Variants in DCLK1 observed in about 807,000 individuals in gnomAD.
DCLK1 encodes the protein serine/threonine-protein kinase DCLK1.
DCLK1 carries 16 observed loss-of-function variants against 86.2 expected under a neutral mutation model. The observed-to-expected ratio is 0.19, with a 90% CI of 0.13 to 0.28. DCLK1 has a LOEUF of 0.28. Ranked by LOEUF, DCLK1 falls within the 10% of genes least tolerant of loss-of-function variation. The pLI, the probability that DCLK1 is intolerant of heterozygous loss-of-function variation, is 1.00. For missense variants in DCLK1, 590 were observed against 940.2 expected (o/e 0.63, Z 4.87); for synonymous variants, 369 against 370.5 (o/e 1.00, Z 0.05).
chr13:36,017,683 A>G (rs1881593186), intron 3 of DCLK1, among the ~76,000 whole-genome samples: 1 of 152,194 alleles, frequency 6.6e-6, no homozygotes, highest in Admixed American at 6.6e-5. Context: ...CAACCACCAC[A>G]TGGAATTATC....
intron 16 of DCLK1, among the ~76,000 whole-genome samples, chr13:35,789,891 T>C (rs2086684124): frequency 1.3e-5 from 2 of 152,096 alleles, no homozygotes; most frequent in South Asian, 2.1e-4. Flanking sequence ...TCTCTCTTTT[T>C]TTTTTCAAAT....
intron 4 of DCLK1, among the ~76,000 whole-genome samples, chr13:35,927,183 ATC>A (rs1876169796): frequency 6.6e-6 from 1 of 152,262 alleles, no homozygotes; most frequent in Non-Finnish European, 1.5e-5. Context: ...TTTCCAAATT[ATC>A]TGTCTGAAGG....
chr13:35,852,076 C>T (rs1389562143), intron 6 of DCLK1, among the ~76,000 whole-genome samples: 1 of 151,866 alleles, frequency 6.6e-6, no homozygotes, highest in Non-Finnish European at 1.5e-5. Flanking sequence ...CTAGGCAACA[C>T]AGAAGGAAAA....
At position 35,826,387 on chromosome 13, in the gene DCLK1, G is replaced by A. The variant is rs1037090887; in HGVS notation, c.1407+1248C>T. On this transcript the variant is annotated intron_variant, in intron 10 of 16. Transcript: ENST00000360631. Reference sequence around the variant, plus strand: ...AAAAATACAAAATTAGCCGGGCGTGGTGGCACATGCCTGTAATCCCAGCTA... The same window carrying A: ...AAAAATACAAAATTAGCCGGGCGTGATGGCACATGCCTGTAATCCCAGCTA... Among the ~76,000 whole-genome samples the A allele has an allele frequency of 2.0e-5, 3 of 151,304 alleles. No homozygotes were observed. In the East Asian group the frequency reaches 6.0e-4, roughly 30 times the overall value.
At chr13:35,951,898 G>T (rs1055948723) in intron 3 of DCLK1, among the ~76,000 whole-genome samples, 1 of 152,142 alleles carries the variant, frequency 6.6e-6, no homozygotes, top group African/African-American at 2.4e-5. Context: ...AGCAAAGGCA[G>T]TGTCTCGCGT....
At chr13:36,121,042 T>C (rs1482497000) in intron 2 of DCLK1, among the ~76,000 whole-genome samples, 1 of 152,184 alleles carries the variant, frequency 6.6e-6, no homozygotes, top group African/African-American at 2.4e-5. Context: ...CCTACATGAC[T>C]GGAAAACATC....
chr13:35,874,224 A>T (rs1035955334), intron 4 of DCLK1, among the ~76,000 whole-genome samples: 17 of 151,944 alleles, frequency 1.1e-4, no homozygotes, highest in Admixed American at 7.2e-4. Context: ...TCTCTTATAT[A>T]TTCTGAATTG....
At chr13:36,022,114 TA>T (rs1881810564) in intron 3 of DCLK1, among the ~76,000 whole-genome samples, 2 of 151,910 alleles carry the variant, frequency 1.3e-5, no homozygotes, top group Non-Finnish European at 2.9e-5. Flanking sequence ...TAGAAATTAA[TA>T]AAGGAAATTT....
intron 4 of DCLK1, among the ~76,000 whole-genome samples, chr13:35,871,622 G>C (rs922491294): frequency 6.6e-6 from 1 of 152,040 alleles, no homozygotes; most frequent in Non-Finnish European, 1.5e-5. Flanking sequence ...CTAATAAAGA[G>C]GTGTTTTGTT....
chr13:36,038,769 G>A (rs1474356096), intron 3 of DCLK1, among the ~76,000 whole-genome samples: 1 of 152,170 alleles, frequency 6.6e-6, no homozygotes, highest in Admixed American at 6.5e-5. Flanking sequence ...ACAACAATTA[G>A]TGTTCATGCG....
At chr13:35,808,449 A>G in intron 13 of DCLK1, 129 bp from the exon 14 acceptor site, 1 of 833,024 alleles carries the variant, frequency 1.2e-6, no homozygotes, top group Non-Finnish European at 2.0e-6. Context: ...TTTTTAATCG[A>G]TTGAAAAATG....
intron 3 of DCLK1, among the ~76,000 whole-genome samples, chr13:36,041,530 T>G (rs2153155286): frequency 6.6e-6 from 1 of 152,214 alleles, no homozygotes; most frequent in East Asian, 1.9e-4. Context: ...TGAGTGAGGT[T>G]GTTTCATACA....
intron 3 of DCLK1, among the ~76,000 whole-genome samples, chr13:35,984,897 GCA>G (rs10598942): frequency 0.42 from 62,240 of 147,872 alleles, 12,933 homozygotes; most frequent in East Asian, 0.46. Flanking sequence ...GCGTGCGCAT[GCA>G]CACACACACA....
chr13:36,066,545 G>T (rs924739567), intron 3 of DCLK1, among the ~76,000 whole-genome samples: 1 of 152,024 alleles, frequency 6.6e-6, no homozygotes, highest in African/African-American at 2.4e-5. Flanking sequence ...CACATACATC[G>T]TCTTCCATCA....
intron 3 of DCLK1, among the ~76,000 whole-genome samples, chr13:36,002,728 T>C (rs1197393526): frequency 6.6e-6 from 1 of 152,218 alleles, no homozygotes; most frequent in Non-Finnish European, 1.5e-5. Context: ...TGAACATACA[T>C]GTTCTTTTAG....
intron 4 of DCLK1, among the ~76,000 whole-genome samples, chr13:35,943,288 G>A (rs1211266687): frequency 2.6e-5 from 4 of 152,100 alleles, no homozygotes; most frequent in South Asian, 2.1e-4. Context: ...AGATGAGGAC[G>A]GATTCTTCCC....
At chr13:36,123,947 T>C (rs1593912040) in intron 2 of DCLK1, among the ~76,000 whole-genome samples, 1 of 152,170 alleles carries the variant, frequency 6.6e-6, no homozygotes, top group African/African-American at 2.4e-5. Context: ...CTCTCCTTGG[T>C]GGATGGGAGT....
At chr13:35,848,255 G>A (rs1371197037) in intron 6 of DCLK1, 1 of 984,686 alleles carries the variant, frequency 1.0e-6, no homozygotes, top group Non-Finnish European at 1.2e-6. Flanking sequence ...TCAATCATAA[G>A]TGCCTATAAA....
At chr13:35,958,130 T>TACTATAACCATCACCACCACCACC (rs1566620588) in intron 3 of DCLK1, among the ~76,000 whole-genome samples, 1 of 15,798 alleles carries the variant, frequency 6.3e-5, no homozygotes, top group Admixed American at 5.9e-4. Flanking sequence ...CCACTACCAC[T>TACTATAACCATCACCACCACCACC]ACTATAACCA....
Sources: gnomAD v4.1 joint callset for allele counts (sites outside exome capture counted in the v4.1 genomes callset) on GRCh38, gnomAD v4.1.1 for gene constraint, MANE v1.5 for transcripts, NCBI Gene and HGNC (gene_info 2026-07-23, HGNC 2026-07-21) for gene names.